The following LRRN3 variants were observed in gnomAD, a reference collection of about 807,000 sequenced individuals.
LRRN3 encodes leucine-rich repeat neuronal protein 3.
LRRN3 carries 15 observed loss-of-function variants against 40.1 expected under a neutral mutation model. The observed-to-expected ratio is 0.37, with a 90% CI of 0.25 to 0.58. The LOEUF is 0.58. LRRN3 is among the 20% of genes least tolerant of loss of function. The pLI, the probability that LRRN3 is intolerant of heterozygous loss-of-function variation, is 0.72. For synonymous variants in LRRN3, 308 were observed against 297.2 expected, an observed-to-expected ratio of 1.04 and a Z score of -0.37; for missense variants, 746 against 837.7, an observed-to-expected ratio of 0.89 and a Z score of 1.35.
Position 111,123,072 on chromosome 7 carries a change from T to C in LRRN3, c.300T>C (p.Ser100=), listed in dbSNP as rs1244226720. Residue 100 remains serine, a synonymous_variant, in exon 3 of 3, where the codon TCT becomes TCC. Transcript: ENST00000308478. This position sits in a 1 kb window ranked among gnomAD's most constrained non-coding sequence, Gnocchi z 6.4. ...FPVNLTGLDL[S]QNNLSSVTNI... ...TAAACCTTACTGGCCTGGATTTATC[T>C]CAAAACAATTTATCTTCAGTCACCA... The C allele has an allele frequency of 1.2e-6, 2 of 1,613,724 alleles. No individual in the cohort carries two copies. The highest frequency in any genetic ancestry group is 2.7e-5 in the African/African-American group (2 of 74,902).
chr7:111,124,467 T>C lies in LRRN3; in HGVS notation c.1695T>C (p.Ala565=). The C allele has an allele frequency of 1.9e-6, 3 of 1,613,974 alleles. No homozygotes were observed. The highest frequency in any genetic ancestry group is 2.5e-6 in the Non-Finnish European group (3 of 1,179,982). The change falls in exon 3 of 3, where the codon GCT becomes GCC. Residue 565 remains alanine, a synonymous_variant. Transcript: ENST00000308478. ...TTGTCAAGACTGAAAATTCTCATGCTGCGCAAAGTGCTCGAATACCATCTG... is the reference window on the plus strand; with the variant it reads ...TTGTCAAGACTGAAAATTCTCATGCCGCGCAAAGTGCTCGAATACCATCTG... ...TAFVKTENSH[A]AQSARIPSDV...
At position 111,124,829 on chromosome 7, in the gene LRRN3, C is replaced by T; in HGVS notation, c.2057C>T (p.Ala686Val). 1 of 1,607,328 alleles carries T rather than the reference C, an allele frequency of 6.2e-7. No homozygotes were observed. Among genetic ancestry groups the T allele is most frequent in the Non-Finnish European group, 8.5e-7 (1 of 1,178,456 alleles). The change falls in exon 3 of 3, where the codon GCA becomes GTA. Residue 686 changes from alanine (A) to valine (V), a missense_variant. Transcript: ENST00000308478. ...LYPPLINLWE[A>V]GKEKSTSLKV... Reference sequence around the variant, plus strand: ...CCTCCTCTGATAAATCTCTGGGAAGCAGGAAAAGAAAAAAGTACATCACTG... The same window carrying T: ...CCTCCTCTGATAAATCTCTGGGAAGTAGGAAAAGAAAAAAGTACATCACTG...
At chr7:111,115,505 A>G (rs965471674) in intron 2 of LRRN3, among the ~76,000 whole-genome samples, 2 of 152,116 alleles carry the variant, frequency 1.3e-5, no homozygotes, top group Non-Finnish European at 2.9e-5. Flanking sequence ...CCTGTGATTA[A>G]GATTTCATCC....
At chr7:111,103,364 T>G (rs1239394348) in intron 2 of LRRN3, among the ~76,000 whole-genome samples, 1 of 151,698 alleles carries the variant, frequency 6.6e-6, no homozygotes, top group Non-Finnish European at 1.5e-5. Context: ...GCTAATAGTT[T>G]TTACCAGTTT....
At chr7:111,113,101 G>A (rs1026677474) in intron 2 of LRRN3, among the ~76,000 whole-genome samples, 1 of 152,126 alleles carries the variant, frequency 6.6e-6, no homozygotes, top group African/African-American at 2.4e-5. Context: ...TTCCTTCAGA[G>A]TAATGTTCCC....
intron 2 of LRRN3, among the ~76,000 whole-genome samples, chr7:111,109,146 A>C (rs1798886845): frequency 6.6e-6 from 1 of 152,214 alleles, no homozygotes; most frequent in African/African-American, 2.4e-5. Flanking sequence ...ATCAAGAAGA[A>C]TTAAAGACCA....
At chr7:111,102,878 T>G (rs1032160878) in intron 2 of LRRN3, among the ~76,000 whole-genome samples, 3 of 151,514 alleles carry the variant, frequency 2.0e-5, no homozygotes, top group Non-Finnish European at 3.0e-5. Flanking sequence ...TAAATCTCAT[T>G]GTAAACTTAT....
chr7:111,107,893 C>G (rs1322634349), intron 2 of LRRN3, among the ~76,000 whole-genome samples: 1 of 152,084 alleles, frequency 6.6e-6, no homozygotes, highest in Non-Finnish European at 1.5e-5. Flanking sequence ...GTAAATTTTA[C>G]TAGTTTCATG....
At chr7:111,117,752 A>C (rs1800062355) in intron 2 of LRRN3, among the ~76,000 whole-genome samples, 1 of 152,236 alleles carries the variant, frequency 6.6e-6, no homozygotes, top group African/African-American at 2.4e-5. Context: ...CTTTATACAA[A>C]TGAACTTAGC....
chr7:111,105,467 T>A (rs1433215342), intron 2 of LRRN3, among the ~76,000 whole-genome samples: 1 of 151,928 alleles, frequency 6.6e-6, no homozygotes, highest in Non-Finnish European at 1.5e-5. Flanking sequence ...CCATCTTCCA[T>A]GACAACAGAA....
intron 2 of LRRN3, among the ~76,000 whole-genome samples, chr7:111,115,000 G>A (rs1385938488): frequency 1.3e-5 from 2 of 151,810 alleles, no homozygotes; most frequent in East Asian, 3.9e-4. Flanking sequence ...ATAACCTGAA[G>A]CAAATTTTCC....
intron 2 of LRRN3, among the ~76,000 whole-genome samples, chr7:111,122,014 T>G (rs1003343259): frequency 2.1e-5 from 3 of 145,666 alleles, no homozygotes; most frequent in Admixed American, 7.1e-5. Flanking sequence ...TCACTCATAG[T>G]TGGGAACTGA....
intron 2 of LRRN3, among the ~76,000 whole-genome samples, chr7:111,104,851 A>C (rs1318133908): frequency 6.6e-6 from 1 of 151,814 alleles, no homozygotes; most frequent in Non-Finnish European, 1.5e-5. Flanking sequence ...CGAGAGGGTC[A>C]TGGCTTCTAG....
chr7:111,105,315 A>G (rs564240074), intron 2 of LRRN3, among the ~76,000 whole-genome samples: 3 of 152,030 alleles, frequency 2.0e-5, no homozygotes, highest in South Asian at 2.1e-4. Context: ...TATTTCAGTT[A>G]ACATCATGTA....
intron 2 of LRRN3, among the ~76,000 whole-genome samples, chr7:111,117,191 A>G (rs1335488585): frequency 6.6e-6 from 1 of 152,170 alleles, no homozygotes; most frequent in African/African-American, 2.4e-5. Context: ...ATCAATTAAA[A>G]AACACAAAGG....
At chr7:111,103,175 A>G (rs1798167725) in intron 2 of LRRN3, among the ~76,000 whole-genome samples, 1 of 151,642 alleles carries the variant, frequency 6.6e-6, no homozygotes, top group South Asian at 2.1e-4. Context: ...CTATATCTCA[A>G]GAAATAACAA....
At position 111,124,281 on chromosome 7, in the gene LRRN3, C is replaced by G; in HGVS notation, c.1509C>G (p.Gly503=). 2 of 1,613,768 alleles carry G rather than the reference C, an allele frequency of 1.2e-6. No individual in the cohort carries two copies. The highest frequency in any genetic ancestry group is 1.7e-6 in the Non-Finnish European group (2 of 1,179,898). ...LYTCIATNLV[G]ADLKSVMIKV... Reference sequence around the variant, plus strand: ...CTTGTATAGCAACTAACCTAGTTGGCGCTGACTTGAAGTCTGTTATGATCA... The same window carrying G: ...CTTGTATAGCAACTAACCTAGTTGGGGCTGACTTGAAGTCTGTTATGATCA... Residue 503 remains glycine (G), a synonymous_variant, in exon 3 of 3, where the codon GGC becomes GGG. Coordinates refer to ENST00000308478, the MANE Select transcript of LRRN3 (RefSeq NM_001099658.2).
intron 2 of LRRN3, among the ~76,000 whole-genome samples, chr7:111,120,158 G>A (rs1386027021): frequency 6.6e-6 from 1 of 152,036 alleles, no homozygotes. Context: ...CAAAGACACT[G>A]GTATAGATTT....
At chr7:111,117,913 G>T (rs1445531512) in intron 2 of LRRN3, among the ~76,000 whole-genome samples, 1 of 152,050 alleles carries the variant, frequency 6.6e-6, no homozygotes, top group African/African-American at 2.4e-5. Flanking sequence ...GTGCAAAGAA[G>T]AAGGCACACT....
Sources: gnomAD v4.1 joint callset for allele counts (sites outside exome capture counted in the v4.1 genomes callset) on GRCh38, gnomAD v4.1.1 for gene constraint, Gnocchi (gnomAD v3.1) non-coding constraint, MANE v1.5 for transcripts, NCBI Gene and HGNC (gene_info 2026-07-23, HGNC 2026-07-21) for gene names.